Variants in RPS6KA2 observed in about 807,000 individuals in gnomAD.
RPS6KA2 encodes the protein ribosomal protein S6 kinase A2.
Under a neutral mutation model 91.8 loss-of-function variants are expected in RPS6KA2, and 42 were observed. That is an observed-to-expected ratio of 0.46 (90% CI 0.36 to 0.59). RPS6KA2 has a LOEUF of 0.59. Among genes scored for constraint, RPS6KA2 ranks in the 20% least tolerant of loss-of-function variants. The pLI is 0.00. For missense variants in RPS6KA2, 798 were observed against 978.5 expected (o/e 0.82, Z 2.46); for synonymous variants, 414 against 393.6 (o/e 1.05, Z -0.61).
intron 2 of RPS6KA2, among the ~76,000 whole-genome samples, chr6:166,683,197 C>T (rs552890043): frequency 1.3e-5 from 2 of 152,346 alleles, no homozygotes; most frequent in South Asian, 4.1e-4. Flanking sequence ...ACATGCATTT[C>T]CACGACAACT....
chr6:166,632,557 G>T (rs1291015448), intron 2 of RPS6KA2, among the ~76,000 whole-genome samples: 1 of 151,338 alleles, frequency 6.6e-6, no homozygotes, highest in Non-Finnish European at 1.5e-5. Flanking sequence ...GTTGCAGTGA[G>T]TGGAGATCAT....
At position 166,493,477 on chromosome 6, in the gene RPS6KA2, C is replaced by A. The variant is rs977349496; in HGVS notation, c.748-2736G>T. Among the ~76,000 whole-genome samples, 1 of 152,148 alleles carries A rather than the reference C, an allele frequency of 6.6e-6. No homozygotes were observed. Among genetic ancestry groups the A allele is most frequent in the Non-Finnish European group, 1.5e-5 (1 of 68,030 alleles). The stretch of plus-strand genomic sequence containing the variant: ...GCTGTGTTGCTGAGCAGCACTGAGA[C>A]TTGCCAAGGCTTCCGGGGTGAACTG... On this transcript the variant is annotated intron_variant, in intron 8 of 20. Coordinates refer to ENST00000265678, the MANE Select transcript of RPS6KA2 (RefSeq NM_021135.6). This position sits in a 1 kb window ranked among gnomAD's most constrained non-coding sequence, Gnocchi z 4.7.
At chr6:166,680,607 C>T (rs1452538053) in intron 2 of RPS6KA2, among the ~76,000 whole-genome samples, 11 of 152,292 alleles carry the variant, frequency 7.2e-5, no homozygotes, top group South Asian at 2.1e-4. Context: ...CCAGGAGGGA[C>T]GAACAACTCT....
rs1205950803 is a variant in RPS6KA2, at chr6:166,451,229, A to G, written c.1080T>C (p.Ser360=). 1 of 1,613,770 alleles carries G rather than the reference A, an allele frequency of 6.2e-7. No individual in the cohort carries two copies. The highest frequency in any genetic ancestry group is 8.5e-7 in the Non-Finnish European group (1 of 1,179,892). The change falls in exon 13 of 21, where the codon TCT becomes TCC. Residue 360 remains serine (S), a synonymous_variant. Transcript: ENST00000265678. ...PEFTARTPTD[S]PGVPPSANAH... ...CGTTTGCACTCGGGGGGACGCCAGG[A>G]GAGTCTGTAGGTGACAGGGGCAGAG...
At chr6:166,428,878 C>A (rs1315237891) in intron 16 of RPS6KA2, among the ~76,000 whole-genome samples, 22 of 150,452 alleles carry the variant, frequency 1.5e-4, no homozygotes, top group South Asian at 6.4e-4. Flanking sequence ...GTCAGTGTGG[C>A]GATTCCTCAG....
chr6:166,652,836 G>C (rs1787899686), intron 2 of RPS6KA2, among the ~76,000 whole-genome samples: 1 of 152,146 alleles, frequency 6.6e-6, no homozygotes, highest in Admixed American at 6.5e-5. Flanking sequence ...CAGCAGGCAA[G>C]CACTATAATT....
intron 2 of RPS6KA2, among the ~76,000 whole-genome samples, chr6:166,680,105 T>C (rs1258071052): frequency 6.6e-6 from 1 of 152,052 alleles, no homozygotes; most frequent in East Asian, 1.9e-4. Context: ...GCTAACGGTT[T>C]GTAAACGTGC....
intron 16 of RPS6KA2, among the ~76,000 whole-genome samples, chr6:166,427,422 A>G (rs1192889152): frequency 8.5e-5 from 13 of 152,296 alleles, no homozygotes; most frequent in Non-Finnish European, 1.6e-4. Context: ...CATCACTCCT[A>G]TTCAACATAG....
At chr6:166,541,227 A>G (rs569694523) in intron 1 of RPS6KA2, among the ~76,000 whole-genome samples, 1 of 152,256 alleles carries the variant, frequency 6.6e-6, no homozygotes, top group South Asian at 2.1e-4. Flanking sequence ...GCCACACTGC[A>G]GAACAGAAAG....
At chr6:166,724,815 A>G (rs763139925) in intron 2 of RPS6KA2, among the ~76,000 whole-genome samples, 15 of 152,246 alleles carry the variant, frequency 9.9e-5, no homozygotes, top group Non-Finnish European at 1.9e-4. Flanking sequence ...CATCAGCTTT[A>G]CACAGACTCC....
Position 166,651,095 on chromosome 6 carries a change from C to T in RPS6KA2, c.124-112311G>A, listed in dbSNP as rs146205536. ...CAGGCTGTCAATCCGAAAATGTCAG[C>T]GCCTTGCTCAGATCACTCCAGTGTG... On this transcript the variant is annotated intron_variant, in intron 2 of 21. Transcript: ENST00000503859. Among the ~76,000 whole-genome samples the T allele has an allele frequency of 1.3e-3, 199 of 152,294 alleles. 1 individual carries two copies. The highest frequency in any genetic ancestry group is 4.0e-3 in the African/African-American group (168 of 41,562).
chr6:166,798,842 T>C (rs1779290434), intron 2 of RPS6KA2, among the ~76,000 whole-genome samples: 1 of 152,138 alleles, frequency 6.6e-6, no homozygotes, highest in Non-Finnish European at 1.5e-5. Context: ...GTGTTCCTGG[T>C]GGTGGCGCCC....
At chr6:166,708,518 T>A (rs909289564) in intron 2 of RPS6KA2, among the ~76,000 whole-genome samples, 2 of 152,202 alleles carry the variant, frequency 1.3e-5, no homozygotes, top group African/African-American at 4.8e-5. Flanking sequence ...TAAAAATAAT[T>A]TCAGTATAAA....
intron 1 of RPS6KA2, among the ~76,000 whole-genome samples, chr6:166,589,049 G>A (rs1047141189): frequency 6.6e-6 from 1 of 152,216 alleles, no homozygotes; most frequent in Non-Finnish European, 1.5e-5. Context: ...CCCTTGATGA[G>A]TCAGAGCTGA....
rs1466115212 is a variant in RPS6KA2 at position 166,685,283 on chromosome 6, G to A, written c.124-146499C>T. 6.7e-5 allele frequency among the ~76,000 whole-genome samples: 10 copies of A among 149,578 alleles called. No individual in the cohort carries two copies. In the South Asian group the frequency reaches 2.1e-3, roughly 32 times the overall value. On this transcript the variant is annotated intron_variant, in intron 2 of 21. Coordinates refer to the RPS6KA2 transcript ENST00000503859. ...AGCTCAGGCAGGACCCTGATGGAGTGTGGGGTGTGTGTGCAGGCTGGAAGG... is the reference window on the plus strand; with the variant it reads ...AGCTCAGGCAGGACCCTGATGGAGTATGGGGTGTGTGTGCAGGCTGGAAGG...
At chr6:166,489,133 A>G (rs1457708953) in intron 9 of RPS6KA2, among the ~76,000 whole-genome samples, 2 of 152,186 alleles carry the variant, frequency 1.3e-5, no homozygotes, top group Non-Finnish European at 1.5e-5. Context: ...GATATTTACC[A>G]CAGTAGAAAG....
intron 2 of RPS6KA2, among the ~76,000 whole-genome samples, chr6:166,696,052 C>T (rs952449394): frequency 1.3e-5 from 2 of 152,202 alleles, no homozygotes; most frequent in Non-Finnish European, 2.9e-5. Context: ...TGCACTCCCC[C>T]CTCTTCCACG....
At chr6:166,573,412 A>G (rs1259389752) in intron 1 of RPS6KA2, among the ~76,000 whole-genome samples, 1 of 152,194 alleles carries the variant, frequency 6.6e-6, no homozygotes, top group Non-Finnish European at 1.5e-5. Context: ...ATCTTTTTCT[A>G]CGTAAAGGAC....
Position 166,627,011 on chromosome 6 carries a change from C to G in RPS6KA2, c.9G>C (p.Leu3=), listed in dbSNP as rs1387253343. MD[L]SMKKFAVRRF... ...TGCGCACGGCGAACTTCTTCATGCTCAGGTCCATCGCCCCGCGCCCAGCCC... is the reference window on the plus strand; with the variant it reads ...TGCGCACGGCGAACTTCTTCATGCTGAGGTCCATCGCCCCGCGCCCAGCCC... Residue 3 remains leucine, a synonymous_variant, in exon 1 of 21, where the codon CTG becomes CTC. Coordinates refer to ENST00000265678, the MANE Select transcript of RPS6KA2 (RefSeq NM_021135.6). 4.6e-6 allele frequency: 7 copies of G among 1,522,826 alleles called. No individual in the cohort carries two copies. Among genetic ancestry groups the G allele is most frequent in the Non-Finnish European group, 6.2e-6 (7 of 1,131,558 alleles). 94.3% of individuals were successfully genotyped at this position (1,522,826 alleles called of 1,614,324 possible).
Sources: gnomAD v4.1 joint callset for allele counts (sites outside exome capture counted in the v4.1 genomes callset) on GRCh38, gnomAD v4.1.1 for gene constraint, Gnocchi (gnomAD v3.1) non-coding constraint, MANE v1.5 for transcripts, NCBI Gene and HGNC (gene_info 2026-07-23, HGNC 2026-07-21) for gene names.